Variants in SMPX observed in about 807,000 individuals in gnomAD.
SMPX encodes small muscular protein.
A neutral mutation model predicts 6.3 loss-of-function variants in SMPX; 2 were observed. The observed-to-expected ratio is 0.32, with a 90% CI of 0.13 to 0.99. SMPX has a LOEUF of 0.99. Ranked by LOEUF, SMPX falls within the 50% of genes least tolerant of loss-of-function variation. The pLI is 0.49. For synonymous variants in SMPX, 32 were observed against 24.7 expected, an observed-to-expected ratio of 1.30 and a Z score of -0.88; for missense variants, 60 against 66.8, an observed-to-expected ratio of 0.90 and a Z score of 0.36.
chrX:21,725,746 G>T (rs1215807560), intron 4 of SMPX, among the ~76,000 whole-genome samples: 1 of 112,226 alleles, frequency 8.9e-6, no homozygotes, highest in Non-Finnish European at 1.9e-5. Flanking sequence ...AAGGATTCAG[G>T]TGATTGAGAA....
chrX:21,706,044 G>A lies in SMPX; in HGVS notation c.*365C>T. Reference sequence around the variant, plus strand: ...TTAGTGACATAATTTAAAAGGTGAAGAACTAAAACGCATTCCAAATATTGA... The same window carrying A: ...TTAGTGACATAATTTAAAAGGTGAAAAACTAAAACGCATTCCAAATATTGA... On this transcript the variant is annotated 3_prime_UTR_variant, in exon 5 of 5. Coordinates refer to ENST00000379494, the MANE Select transcript of SMPX (RefSeq NM_014332.3). 2.0e-6 allele frequency: 1 copy of A among 505,684 alleles called. No homozygotes were observed. 41.7% of individuals were successfully genotyped at this position (505,684 alleles called of 1,213,427 possible).
At chrX:21,739,749 T>C in intron 3 of SMPX, among the ~76,000 whole-genome samples, 1 of 112,370 alleles carries the variant, frequency 8.9e-6, no homozygotes, top group East Asian at 2.8e-4. Flanking sequence ...TATAAATGTT[T>C]CCACGGCTGT....
At chrX:21,741,674 T>C (rs2077117277) in intron 3 of SMPX, among the ~76,000 whole-genome samples, 1 of 111,317 alleles carries the variant, frequency 9.0e-6, no homozygotes, top group African/African-American at 3.3e-5. Context: ...GGTAAAGAAA[T>C]ACCATCACTA....
At chrX:21,736,469 GTCTC>G (rs1323902513) in intron 4 of SMPX, among the ~76,000 whole-genome samples, 1 of 112,280 alleles carries the variant, frequency 8.9e-6, no homozygotes, top group Non-Finnish European at 1.9e-5. Flanking sequence ...GGGAAACTCA[GTCTC>G]TCTAAGACTC....
At chrX:21,728,214 T>TTCTCTCTCCC in intron 4 of SMPX, among the ~76,000 whole-genome samples, 1 of 48,342 alleles carries the variant, frequency 2.1e-5, no homozygotes, top group Non-Finnish European at 4.0e-5. Context: ...TTCCCCTCCT[T>TTCTCTCTCCC]TCTCTCTCTC....
At chrX:21,754,007 G>C (rs966784959) in intron 2 of SMPX, among the ~76,000 whole-genome samples, 18 of 112,436 alleles carry the variant, frequency 1.6e-4, no homozygotes, top group African/African-American at 5.8e-4. Context: ...TTTTTTAGAA[G>C]ATAATTTAAT....
intron 4 of SMPX, among the ~76,000 whole-genome samples, chrX:21,715,310 ACG>A (rs747497147): frequency 3.2e-4 from 28 of 87,307 alleles, no homozygotes; most frequent in African/African-American, 1.3e-3. Flanking sequence ...GTGTGCGCGC[ACG>A]CGCGCGCGCT....
At chrX:21,716,055 A>C (rs750626137) in intron 4 of SMPX, among the ~76,000 whole-genome samples, 1 of 111,972 alleles carries the variant, frequency 8.9e-6, no homozygotes, top group African/African-American at 3.2e-5. Context: ...ACATATTAGT[A>C]ATTTTCTAAT....
chrX:21,755,491 T>G lies in SMPX; in HGVS notation c.-12-1189A>C, dbSNP rs990899430. 9.8e-5 allele frequency among the ~76,000 whole-genome samples: 11 copies of G among 112,652 alleles called. No individual in the cohort carries two copies. The East Asian group carries it at 2.2e-3, about 23-fold the overall frequency. The stretch of plus-strand genomic sequence containing the variant: ...ATGCTCCTGAAAAGGCCTTGTGAAC[T>G]GTAAAGCATGATGCAAATATTCATT... On this transcript the variant is annotated intron_variant, in intron 1 of 4. Coordinates refer to ENST00000379494, the MANE Select transcript of SMPX (RefSeq NM_014332.3).
At chrX:21,720,237 T>G (rs1475745710) in intron 4 of SMPX, among the ~76,000 whole-genome samples, 1 of 112,514 alleles carries the variant, frequency 8.9e-6, no homozygotes, top group East Asian at 2.8e-4. Context: ...CTTGAATCAC[T>G]CACTCCAGGG....
intron 2 of SMPX, among the ~76,000 whole-genome samples, chrX:21,748,511 T>TA (rs755790623): frequency 9.9e-5 from 11 of 111,238 alleles, no homozygotes; most frequent in South Asian, 3.8e-4. Context: ...GATGTCAACA[T>TA]AAAAAAAATG....
chrX:21,713,514 C>G (rs1244129582), intron 4 of SMPX, among the ~76,000 whole-genome samples: 1 of 111,839 alleles, frequency 8.9e-6, no homozygotes. Flanking sequence ...TGGTGGAAGG[C>G]AAAGGAGGAG....
At chrX:21,734,115 T>C (rs1191347808) in intron 4 of SMPX, among the ~76,000 whole-genome samples, 1 of 112,410 alleles carries the variant, frequency 8.9e-6, no homozygotes, top group Non-Finnish European at 1.9e-5. Flanking sequence ...TGAAGTATTT[T>C]ATCTTTCCAT....
At chrX:21,747,896 TC>T (rs1458518544) in intron 2 of SMPX, among the ~76,000 whole-genome samples, 4 of 111,563 alleles carry the variant, frequency 3.6e-5, no homozygotes, top group Non-Finnish European at 7.5e-5. Context: ...ATCTATAGCC[TC>T]CCCCATGCCA....
intron 1 of SMPX, among the ~76,000 whole-genome samples, chrX:21,755,812 A>G (rs924149051): frequency 2.8e-4 from 32 of 112,281 alleles, no homozygotes; most frequent in African/African-American, 9.7e-4. Flanking sequence ...TTTCACTTGA[A>G]TGTCTTTGTA....
At chrX:21,745,154 T>C (rs1461293442) in intron 2 of SMPX, among the ~76,000 whole-genome samples, 2 of 112,129 alleles carry the variant, frequency 1.8e-5, no homozygotes, top group Non-Finnish European at 3.8e-5. Context: ...AGGTACATCA[T>C]TGTGGAGCCA....
chrX:21,716,890 T>G (rs987926158), intron 4 of SMPX, among the ~76,000 whole-genome samples: 20 of 112,311 alleles, frequency 1.8e-4, no homozygotes, highest in African/African-American at 6.2e-4. Context: ...GATTTTTAGG[T>G]AGTTTTACTG....
At chrX:21,752,489 T>C (rs1021313638) in intron 2 of SMPX, among the ~76,000 whole-genome samples, 2 of 111,532 alleles carry the variant, frequency 1.8e-5, no homozygotes, top group Admixed American at 9.5e-5. Context: ...GCGTGCTTGC[T>C]ATGCTGTTTT....
At chrX:21,715,441 C>T (rs1043591500) in intron 4 of SMPX, among the ~76,000 whole-genome samples, 3 of 111,605 alleles carry the variant, frequency 2.7e-5, no homozygotes, top group African/African-American at 9.8e-5. Context: ...AAACCAATTA[C>T]ATCAGAGTCT....
Sources: gnomAD v4.1 joint callset for allele counts (sites outside exome capture counted in the v4.1 genomes callset) on GRCh38, gnomAD v4.1.1 for gene constraint, MANE v1.5 for transcripts, NCBI Gene and HGNC (gene_info 2026-07-23, HGNC 2026-07-21) for gene names.